Variants in BRWD1 observed in about 807,000 individuals in gnomAD.
BRWD1 encodes bromodomain and WD repeat-containing protein 1.
BRWD1 carries 82 observed loss-of-function variants against 251.2 expected under a neutral mutation model. The observed-to-expected ratio is 0.33, with a 90% CI of 0.27 to 0.39. BRWD1 has a LOEUF of 0.39. Among genes scored for constraint, BRWD1 ranks in the 10% least tolerant of loss-of-function variants. BRWD1 has a pLI of 1.00. For missense variants in BRWD1, 2,233 were observed against 2,711.6 expected, an observed-to-expected ratio of 0.82 and a Z score of 3.92; for synonymous variants, 918 against 902.8, an observed-to-expected ratio of 1.02 and a Z score of -0.30.
chr21:39,290,490 C>CAA (rs1002425792), intron 8 of BRWD1, among the ~76,000 whole-genome samples: 2 of 92,370 alleles, frequency 2.2e-5, no homozygotes. Flanking sequence ...GACTCCGTCT[C>CAA]AAAAAAAAAA....
intron 4 of BRWD1, among the ~76,000 whole-genome samples, chr21:39,301,434 G>A (rs2036109195): frequency 6.6e-6 from 1 of 151,988 alleles, no homozygotes; most frequent in African/African-American, 2.4e-5. Context: ...AGACCAAAAG[G>A]GCGAGGAACT....
In BRWD1 at chr21:39,185,711, A is replaced by C. The variant is rs1056191839; in HGVS notation, c.*10548T>G. On this transcript the variant is annotated 3_prime_UTR_variant, in exon 41 of 41. Coordinates refer to ENST00000342449, the MANE Select transcript of BRWD1 (RefSeq NM_033656.4). ...GACACTTGGTTCATCTGTATAACAA[A>C]AAAAAAAAAATGCATTTGACTTAAA... is the stretch of plus-strand genomic sequence containing the variant. 1.2e-3 allele frequency: 2 copies of C among 1,648 alleles called. No individual in the cohort carries two copies. Among genetic ancestry groups the C allele is most frequent in the Non-Finnish European group, 5.2e-3 (2 of 388 alleles). 0.1% of individuals were successfully genotyped at this position (1,648 alleles called of 1,614,324 possible).
chr21:39,238,440 C>T (rs1199284994), intron 22 of BRWD1, 39 bp downstream of exon 22: 4 of 1,525,470 alleles, frequency 2.6e-6, no homozygotes, highest in Non-Finnish European at 2.7e-6. Context: ...AAGACTATGA[C>T]TAAAATGCTT....
At chr21:39,297,803 A>C (rs1011682255) in intron 5 of BRWD1, 2 of 862,952 alleles carry the variant, frequency 2.3e-6, no homozygotes, top group African/African-American at 3.7e-5. Flanking sequence ...AGAACCAACA[A>C]TCTTTGCCCA....
At chr21:39,296,562 C>T in intron 5 of BRWD1, 199 bp from the exon 6 acceptor site, 1 of 1,216,392 alleles carries the variant, frequency 8.2e-7, no homozygotes. Flanking sequence ...ACAGCAGCAA[C>T]AACAACTAAC....
At chr21:39,303,390 G>A (rs573262545) in intron 4 of BRWD1, among the ~76,000 whole-genome samples, 49 of 151,532 alleles carry the variant, frequency 3.2e-4, no homozygotes, top group African/African-American at 1.2e-3. Context: ...ATGGTAGCAG[G>A]TGACTGTAAT....
intron 20 of BRWD1, among the ~76,000 whole-genome samples, chr21:39,249,944 GTGTGTGTGTGTGTA>G: frequency 6.8e-6 from 1 of 147,180 alleles, no homozygotes; most frequent in African/African-American, 2.5e-5. Flanking sequence ...GTGTGTGTGT[GTGTGTGTGTGTGTA>G]TACACACACA....
At chr21:39,199,760 G>A in intron 39 of BRWD1, 98 bp from the exon 40 acceptor site, 1 of 1,214,730 alleles carries the variant, frequency 8.2e-7, no homozygotes, top group Admixed American at 2.8e-5. Context: ...TTTTTGGGGG[G>A]CGGGGAGGAG....
intron 31 of BRWD1, chr21:39,217,072 TATATA>T (rs2032968154): frequency 3.6e-4 from 4 of 11,228 alleles, no homozygotes; most frequent in African/African-American, 3.4e-4. Flanking sequence ...TATATATATA[TATATA>T]TATATATTTT....
At chr21:39,300,666 CAA>C (rs2036085248) in intron 4 of BRWD1, among the ~76,000 whole-genome samples, 1 of 152,090 alleles carries the variant, frequency 6.6e-6, no homozygotes, top group Non-Finnish European at 1.5e-5. Flanking sequence ...ACTCTTTACA[CAA>C]AAAGTTACAG....
chr21:39,189,863 C>G lies in BRWD1; in HGVS notation c.*6396G>C, dbSNP rs1457503586. 2 of 985,340 alleles carry G rather than the reference C, an allele frequency of 2.0e-6. No individual in the cohort carries two copies. The highest frequency in any genetic ancestry group is 2.4e-6 in the Non-Finnish European group (2 of 829,884). The allele number at this position is 985,340 out of a possible 1,614,324, so 61.0% of individuals were successfully genotyped here. ...AGAACTCTGGATGTTGCTGCTCTAA[C>G]AATGCATTTGTGATGGTGCCATGTG... On this transcript the variant is annotated 3_prime_UTR_variant, in exon 41 of 41. Coordinates refer to ENST00000342449, the MANE Select transcript of BRWD1 (RefSeq NM_033656.4).
chr21:39,197,515 G>A (rs568480887), intron 40 of BRWD1, 100 bp from the exon 41 acceptor site: 2 of 979,964 alleles, frequency 2.0e-6, no homozygotes, highest in Admixed American at 5.1e-5. Context: ...TAATTTGAAG[G>A]GGGTATTGCA....
At chr21:39,251,657 T>TTACA (rs748894911) in intron 19 of BRWD1, among the ~76,000 whole-genome samples, 23 of 152,126 alleles carry the variant, frequency 1.5e-4, no homozygotes, top group Non-Finnish European at 3.1e-4. Flanking sequence ...ACACTCAAGA[T>TTACA]TACAGTAGAA....
Position 39,250,868 on chromosome 21 carries a change from T to G in BRWD1, c.2277A>C (p.Leu759Phe), listed in dbSNP as rs1335924949. The change falls in exon 20 of 41, where the codon TTA becomes TTC. Residue 759 changes from leucine to phenylalanine, a missense_variant. Around this residue, in one of 12 missense-constraint regions of BRWD1, gnomAD observed 214 missense variants for 222.0 expected, o/e 0.96. Transcript: ENST00000342449. ...GIFRKLEDFR[L>F]EKGEEERNLY... ...GATTTCTTTCCTCTTCACCTTTCTC[T>G]AATCGGAAGTCTTCCAGCTTCCTAC... is the stretch of plus-strand genomic sequence containing the variant. The G allele has an allele frequency of 1.3e-6, 2 of 1,597,230 alleles. No homozygotes were observed. Among genetic ancestry groups the G allele is most frequent in the Non-Finnish European group, 1.7e-6 (2 of 1,171,808 alleles).
intron 15 of BRWD1, 148 bp downstream of exon 15, chr21:39,269,751 G>A (rs1219092953): frequency 1.9e-6 from 1 of 518,468 alleles, no homozygotes; most frequent in African/African-American, 2.0e-5. Context: ...TATACATGTA[G>A]CTGTCTAATA....
intron 5 of BRWD1, chr21:39,296,898 T>C (rs753146258): frequency 1.0e-6 from 1 of 984,010 alleles, no homozygotes; most frequent in South Asian, 4.7e-5. Flanking sequence ...AAAAGTTCTT[T>C]GATTTATATG....
intron 32 of BRWD1, 74 bp downstream of exon 32, chr21:39,215,163 G>A (rs965042228): frequency 8.0e-6 from 12 of 1,492,580 alleles, no homozygotes; most frequent in African/African-American, 4.2e-5. Flanking sequence ...GAGCCACCAC[G>A]CCCGGCAAAA....
At chr21:39,320,043 C>A (rs1196881502) in intron 1 of BRWD1, among the ~76,000 whole-genome samples, 4 of 152,170 alleles carry the variant, frequency 2.6e-5, no homozygotes, top group Admixed American at 6.5e-5. Flanking sequence ...GGAGGACATT[C>A]TACTCTCCTC....
In BRWD1 at chr21:39,284,357, T is replaced by C. The variant is rs116485482; in HGVS notation, c.832-4109A>G. On this transcript the variant is annotated intron_variant, in intron 8 of 40. Transcript: ENST00000342449. ...AACTAGATGACGTGGCACACACCTA[T>C]AGTCCCAGCTACTCAGAAGGCTGAG... Among the ~76,000 whole-genome samples, 1,016 of 152,244 alleles carry C rather than the reference T, an allele frequency of 6.7e-3. 7 individuals carry two copies. The highest frequency in any genetic ancestry group is 0.024 in the African/African-American group (983 of 41,522).
Sources: allele counts gnomAD v4.1 joint callset (sites outside exome capture counted in the v4.1 genomes callset), GRCh38; gene constraint gnomAD v4.1.1; regional missense constraint gnomAD v4.1.1; transcripts MANE v1.5; gene names NCBI Gene and HGNC (gene_info 2026-07-23, HGNC 2026-07-21).